Variants in SGCZ observed in about 807,000 individuals in gnomAD.
The protein encoded by SGCZ is sarcoglycan zeta, also known as zeta-sarcoglycan.
A neutral mutation model predicts 41.3 loss-of-function variants in SGCZ; 40 were observed. That is an observed-to-expected ratio of 0.97 (90% confidence interval 0.75 to 1.26). SGCZ has a LOEUF of 1.26. SGCZ is among the 50% of genes most tolerant of loss of function. The pLI is 0.00. For missense variants in SGCZ, 552 were observed against 369.8 expected, an observed-to-expected ratio of 1.49 and a Z score of -4.04; for synonymous variants, 206 against 137.5, an observed-to-expected ratio of 1.50 and a Z score of -3.49.
intron 1 of SGCZ, among the ~76,000 whole-genome samples, chr8:15,212,607 A>G (rs778721052): frequency 2.6e-5 from 4 of 152,050 alleles, no homozygotes; most frequent in African/African-American, 7.2e-5. Context: ...GTTATCTGTC[A>G]ATGATTTTGA....
chr8:14,233,378 A>G (rs1170624542), intron 4 of SGCZ, among the ~76,000 whole-genome samples: 1 of 151,630 alleles, frequency 6.6e-6, no homozygotes, highest in Non-Finnish European at 1.5e-5. Flanking sequence ...TAAACTACTT[A>G]TAAATGTAGT....
At chr8:14,650,396 C>A (rs1173520155) in intron 1 of SGCZ, among the ~76,000 whole-genome samples, 1 of 151,870 alleles carries the variant, frequency 6.6e-6, no homozygotes, top group Non-Finnish European at 1.5e-5. Flanking sequence ...GCAGGTTTGT[C>A]ATATAGGTCA....
At chr8:14,568,031 A>G (rs183058439) in intron 1 of SGCZ, among the ~76,000 whole-genome samples, 79 of 152,298 alleles carry the variant, frequency 5.2e-4, no homozygotes, top group Admixed American at 1.7e-3. Flanking sequence ...TCTGGACACA[A>G]TATGATCAAC....
chr8:14,623,672 T>C (rs1213491237), intron 1 of SGCZ, among the ~76,000 whole-genome samples: 3 of 152,166 alleles, frequency 2.0e-5, no homozygotes, highest in African/African-American at 7.2e-5. Context: ...CAAAAGTAAG[T>C]AATGTTTATA....
chr8:14,439,525 C>T (rs371865360), intron 2 of SGCZ, among the ~76,000 whole-genome samples: 1 of 151,604 alleles, frequency 6.6e-6, no homozygotes, highest in East Asian at 1.9e-4. Context: ...ACAGACCCAA[C>T]AATCTTTCCC....
At chr8:14,945,827 C>A (rs1394283219) in intron 1 of SGCZ, among the ~76,000 whole-genome samples, 2 of 150,578 alleles carry the variant, frequency 1.3e-5, no homozygotes, top group African/African-American at 4.9e-5. Flanking sequence ...ACCAGTTACC[C>A]CCTCAGGTTC....
chr8:14,338,743 CT>C (rs1299583612), intron 2 of SGCZ, among the ~76,000 whole-genome samples: 2 of 152,010 alleles, frequency 1.3e-5, no homozygotes, highest in Non-Finnish European at 2.9e-5. Context: ...AACAAACTGG[CT>C]TTTTTTGCCT....
chr8:14,204,504 G>A (rs1339734005), intron 4 of SGCZ, among the ~76,000 whole-genome samples: 1 of 152,146 alleles, frequency 6.6e-6, no homozygotes, highest in Non-Finnish European at 1.5e-5. Context: ...TCTGGTCTGT[G>A]ATGGTTAATT....
chr8:14,700,273 C>T (rs1809094707), intron 1 of SGCZ, among the ~76,000 whole-genome samples: 1 of 151,908 alleles, frequency 6.6e-6, no homozygotes, highest in South Asian at 2.1e-4. Context: ...TACTACACAG[C>T]CATAGAAAAA....
intron 2 of SGCZ, among the ~76,000 whole-genome samples, chr8:14,331,768 A>T (rs1027602939): frequency 1.3e-5 from 2 of 151,912 alleles, no homozygotes; most frequent in Admixed American, 6.6e-5. Context: ...ATACTTTTGT[A>T]TTAAATATAA....
chr8:14,812,668 C>T (rs545984936), intron 1 of SGCZ, among the ~76,000 whole-genome samples: 22 of 152,138 alleles, frequency 1.4e-4, no homozygotes, highest in East Asian at 1.2e-3. Context: ...ATAATTCTTG[C>T]GCATTATAAC....
chr8:14,168,780 T>C (rs539030977), intron 4 of SGCZ, among the ~76,000 whole-genome samples: 5 of 152,266 alleles, frequency 3.3e-5, no homozygotes, highest in South Asian at 4.1e-4. Flanking sequence ...TTGCAGAAAA[T>C]CTGTTATATG....
At chr8:14,932,720 A>G (rs1799953319) in intron 1 of SGCZ, among the ~76,000 whole-genome samples, 1 of 152,064 alleles carries the variant, frequency 6.6e-6, no homozygotes, top group Admixed American at 6.5e-5. Flanking sequence ...CACATGTGTA[A>G]TTTTTTAAAA....
chr8:14,245,112 CAG>C (rs1296673239), intron 3 of SGCZ, among the ~76,000 whole-genome samples: 17 of 152,080 alleles, frequency 1.1e-4, no homozygotes, highest in African/African-American at 4.1e-4. Flanking sequence ...TTGCCCTGGC[CAG>C]AACTTCCAAC....
intron 1 of SGCZ, among the ~76,000 whole-genome samples, chr8:14,662,598 G>T (rs989639795): frequency 6.6e-6 from 1 of 152,182 alleles, no homozygotes; most frequent in African/African-American, 2.4e-5. Flanking sequence ...CTGGGTCCCT[G>T]TGTTAGGCTA....
chr8:14,886,954 A>G (rs1223350350), intron 1 of SGCZ, among the ~76,000 whole-genome samples: 1 of 152,154 alleles, frequency 6.6e-6, no homozygotes, highest in African/African-American at 2.4e-5. Context: ...GTATTATTAG[A>G]TTACAGTGGG....
chr8:14,841,685 A>G lies in SGCZ; in HGVS notation c.40-286759T>C, dbSNP rs191597010. ...GAGTGCTATTGGAAGGGACAAGCCC[A>G]TACTAAATGGAATTACTGTCAGAAA... On this transcript the variant is annotated intron_variant, in intron 1 of 7. Transcript: ENST00000382080. Among the ~76,000 whole-genome samples the G allele has an allele frequency of 1.7e-4, 26 of 152,348 alleles. No individual in the cohort carries two copies. In the East Asian group the frequency reaches 5.0e-3, roughly 29 times the overall value.
chr8:14,198,729 C>G (rs147318513), intron 4 of SGCZ, among the ~76,000 whole-genome samples: 131 of 152,258 alleles, frequency 8.6e-4, no homozygotes, highest in African/African-American at 3.0e-3. Context: ...GAAGCCATGG[C>G]AGAAGAACAT....
chr8:14,888,221 G>A (rs1804881938), intron 1 of SGCZ, among the ~76,000 whole-genome samples: 1 of 152,112 alleles, frequency 6.6e-6, no homozygotes, highest in Non-Finnish European at 1.5e-5. Context: ...ATCCTTAAAT[G>A]ACAAAAGATG....
Sources: gnomAD v4.1 joint callset for allele counts (sites outside exome capture counted in the v4.1 genomes callset) on GRCh38, gnomAD v4.1.1 for gene constraint, MANE v1.5 for transcripts, NCBI Gene and HGNC (gene_info 2026-07-23, HGNC 2026-07-21) for gene names.